The following CACNB4 variants were observed in gnomAD, a reference collection of about 807,000 sequenced individuals.
CACNB4 encodes the protein calcium voltage-gated channel auxiliary subunit beta 4.
Under a neutral mutation model 71.2 loss-of-function variants are expected in CACNB4, and 32 were observed. The ratio of observed to expected loss-of-function variants is 0.45; its 90% CI spans 0.34 to 0.60. The LOEUF is 0.60. Ranked by LOEUF, CACNB4 falls within the 20% of genes least tolerant of loss-of-function variation. CACNB4 has a pLI of 0.01. For missense variants in CACNB4, 464 were observed against 647.9 expected (o/e 0.72, Z 3.08); for synonymous variants, 231 against 236.9 (o/e 0.97, Z 0.23).
intron 2 of CACNB4, among the ~76,000 whole-genome samples, chr2:151,979,786 A>C (rs1231897129): frequency 2.6e-5 from 4 of 152,218 alleles, no homozygotes; most frequent in African/African-American, 9.6e-5. Context: ...AAATTGAACC[A>C]AGGAGATGGT....
chr2:151,922,043 T>C (rs1231210527), intron 2 of CACNB4, among the ~76,000 whole-genome samples: 25 of 152,160 alleles, frequency 1.6e-4, no homozygotes, highest in Admixed American at 1.6e-3. Context: ...TTCAAAAAAG[T>C]AATGTCAGAC....
At chr2:151,935,185 A>G (rs1193161801) in intron 2 of CACNB4, among the ~76,000 whole-genome samples, 1 of 152,220 alleles carries the variant, frequency 6.6e-6, no homozygotes, top group African/African-American at 2.4e-5. Context: ...TACAGCTTCA[A>G]ACAAGGCTTT....
intron 2 of CACNB4, among the ~76,000 whole-genome samples, chr2:151,896,365 G>A (rs1413618652): frequency 6.6e-6 from 1 of 152,150 alleles, no homozygotes; most frequent in East Asian, 1.9e-4. Context: ...TGAAGGTATG[G>A]TGGGCCCCTT....
Position 152,098,656 on chromosome 2 carries a change from A to T in CACNB4, c.64-243T>A. On this transcript the variant is annotated intron_variant, in intron 1 of 13. Transcript: ENST00000539935. This position sits in a 1 kb window ranked among gnomAD's most constrained non-coding sequence, Gnocchi z 5.3. ...AAGCACCCACCACATCCATTAACAA[A>T]GACTCTCAGGGTGCGGGGTCCGAGT... 6.4e-7 allele frequency: 1 copy of T among 1,572,402 alleles called. No homozygotes were observed. The highest frequency in any genetic ancestry group is 8.6e-7 in the Non-Finnish European group (1 of 1,158,976).
chr2:152,032,588 CA>C (rs1027985191), intron 2 of CACNB4, among the ~76,000 whole-genome samples: 3 of 151,960 alleles, frequency 2.0e-5, no homozygotes, highest in Admixed American at 2.0e-4. Flanking sequence ...ATAGGGAATT[CA>C]AAAAAATCTA....
intron 2 of CACNB4, among the ~76,000 whole-genome samples, chr2:152,055,018 C>CT (rs1685651773): frequency 6.6e-6 from 1 of 152,046 alleles, no homozygotes; most frequent in Non-Finnish European, 1.5e-5. Flanking sequence ...GGGTTGTCTT[C>CT]TTTTTTGTTT....
intron 2 of CACNB4, among the ~76,000 whole-genome samples, chr2:152,043,801 TA>T (rs1178221925): frequency 1.3e-5 from 2 of 152,230 alleles, no homozygotes; most frequent in Admixed American, 6.5e-5. Context: ...TTTCAAGTAT[TA>T]AATTGCTCAA....
At chr2:151,851,054 T>C (rs1490328191) in intron 12 of CACNB4, 5 of 152,208 alleles carry the variant, frequency 3.3e-5, no homozygotes, top group Non-Finnish European at 5.9e-5. Context: ...CCAATGTAAT[T>C]TGCTGACTTT....
chr2:152,009,099 G>A (rs1028265991), intron 2 of CACNB4, among the ~76,000 whole-genome samples: 11 of 151,900 alleles, frequency 7.2e-5, no homozygotes, highest in Non-Finnish European at 1.2e-4. Context: ...GCTGAGGTGG[G>A]AGGATCGCTT....
At chr2:152,040,490 G>A (rs1228924817) in intron 2 of CACNB4, among the ~76,000 whole-genome samples, 1 of 152,024 alleles carries the variant, frequency 6.6e-6, no homozygotes, top group Non-Finnish European at 1.5e-5. Context: ...CACCCAGGCT[G>A]GAGTGCAGTG....
chr2:151,927,689 G>A (rs751130366), intron 2 of CACNB4, among the ~76,000 whole-genome samples: 18 of 152,328 alleles, frequency 1.2e-4, no homozygotes, highest in East Asian at 3.9e-4. Context: ...GCGCAATTGC[G>A]TGCTTCACCC....
chr2:151,880,377 G>T, intron 4 of CACNB4: 1 of 192,632 alleles, frequency 5.2e-6, no homozygotes, highest in Non-Finnish European at 1.0e-5. Flanking sequence ...TGGTTCCATA[G>T]TCAAGGTGCA....
At chr2:152,029,099 T>C (rs904055015) in intron 2 of CACNB4, among the ~76,000 whole-genome samples, 20 of 152,158 alleles carry the variant, frequency 1.3e-4, no homozygotes, top group Non-Finnish European at 2.4e-4. Flanking sequence ...TCCAATATGA[T>C]GGTATTTGAA....
chr2:151,855,389 TAATA>T lies in CACNB4; in HGVS notation c.869-18_869-15del. The T allele has an allele frequency of 1.3e-6, 2 of 1,563,580 alleles. No homozygotes were observed. Among genetic ancestry groups the T allele is most frequent in the South Asian group, 2.3e-5 (2 of 87,494 alleles). ...TTTGTACTTCCGCTTAAAGGAAAAA[TAATA>T]AATAGATCCCGGTTATTGTTATGAA... On this transcript the variant is annotated splice_polypyrimidine_tract_variant and intron_variant, in intron 10 of 13. Coordinates refer to ENST00000539935, the MANE Select transcript of CACNB4 (RefSeq NM_000726.5).
At chr2:151,864,372 C>A (rs2099842544) in intron 9 of CACNB4, among the ~76,000 whole-genome samples, 1 of 152,180 alleles carries the variant, frequency 6.6e-6, no homozygotes, top group Non-Finnish European at 1.5e-5. Context: ...CTGCTGCAAT[C>A]CATCGTGAGT....
Position 152,098,720 on chromosome 2 carries a change from G to C in CACNB4, c.63+229C>G, listed in dbSNP as rs951417840. ...TGGGGGAGGCTGCGGGCTCCGGAGC[G>C]GGAGCGCAGAGACCCGAAGGAGGGT... is the stretch of plus-strand genomic sequence containing the variant. On this transcript the variant is annotated intron_variant, in intron 1 of 13. Transcript: ENST00000539935. The surrounding 1 kb of genome is among the most constrained non-coding windows in gnomAD (Gnocchi z 5.3). The C allele has an allele frequency of 2.3e-5, 36 of 1,551,954 alleles. No individual in the cohort carries two copies. The Admixed American group carries it at 4.3e-4, about 19-fold the overall frequency.
chr2:152,016,452 C>A (rs1012463342), intron 2 of CACNB4, among the ~76,000 whole-genome samples: 2 of 152,158 alleles, frequency 1.3e-5, no homozygotes, highest in Non-Finnish European at 2.9e-5. Flanking sequence ...CACAGAAGAA[C>A]CCTGTCTCAC....
At chr2:151,886,177 T>C (rs779541970) in intron 2 of CACNB4, among the ~76,000 whole-genome samples, 1 of 152,154 alleles carries the variant, frequency 6.6e-6, no homozygotes, top group Non-Finnish European at 1.5e-5. Flanking sequence ...TTGCTGGAAA[T>C]GGGATGTGTG....
chr2:152,084,446 G>C (rs1038903204), intron 2 of CACNB4, among the ~76,000 whole-genome samples: 2 of 152,218 alleles, frequency 1.3e-5, no homozygotes, highest in African/African-American at 4.8e-5. Flanking sequence ...AATGAGCAGG[G>C]GAGCTGTGAG....
Sources: allele counts gnomAD v4.1 joint callset (sites outside exome capture counted in the v4.1 genomes callset), GRCh38; gene constraint gnomAD v4.1.1; non-coding constraint Gnocchi (gnomAD v3.1); transcripts MANE v1.5; gene names NCBI Gene and HGNC (gene_info 2026-07-23, HGNC 2026-07-21).